The following PIP5KL1 variants were observed in gnomAD, a reference collection of about 807,000 sequenced individuals.
PIP5KL1 encodes phosphatidylinositol-4-phosphate 5-kinase like 1.
PIP5KL1 carries 45 observed loss-of-function variants against 47.6 expected under a neutral mutation model. The observed-to-expected ratio is 0.94, with a 90% CI of 0.74 to 1.21. The LOEUF (loss-of-function observed/expected upper bound fraction) is 1.21. Among genes scored for constraint, PIP5KL1 ranks in the 50% most tolerant of loss-of-function variants. The pLI, the probability that PIP5KL1 is intolerant of heterozygous loss-of-function variation, is 0.00. For synonymous variants in PIP5KL1, 256 were observed against 234.6 expected, an observed-to-expected ratio of 1.09 and a Z score of -0.84; for missense variants, 577 against 547.6, an observed-to-expected ratio of 1.05 and a Z score of -0.54.
chr9:127,926,831 T>G (rs1831368822), intron 7 of PIP5KL1, among the ~76,000 whole-genome samples: 1 of 152,220 alleles, frequency 6.6e-6, no homozygotes, highest in African/African-American at 2.4e-5. Flanking sequence ...AGTCAGAGGC[T>G]GGGTCTGAGT....
Position 127,927,540 on chromosome 9 carries a change from C to G in PIP5KL1, c.559+108G>C. On this transcript the variant is annotated intron_variant, in intron 5 of 9. Coordinates refer to ENST00000388747, the MANE Select transcript of PIP5KL1 (RefSeq NM_001135219.2). The surrounding 1 kb of genome is among the most constrained non-coding windows in gnomAD (Gnocchi z 5.5). ...CCACGTATGGCCCCACCCCCATGCC[C>G]TACAACCCCAAATCCGCCCATTTGG... The G allele has an allele frequency of 1.4e-6, 2 of 1,448,592 alleles. No homozygotes were observed. Among genetic ancestry groups the G allele is most frequent in the Non-Finnish European group, 1.8e-6 (2 of 1,103,186 alleles). 89.7% of individuals were successfully genotyped at this position (1,448,592 alleles called of 1,614,324 possible).
rs542905264 is a variant in PIP5KL1, at chr9:127,925,423, C to A, written c.764-163G>T. On this transcript the variant is annotated intron_variant, in intron 8 of 9. Coordinates refer to ENST00000388747, the MANE Select transcript of PIP5KL1 (RefSeq NM_001135219.2). Reference sequence around the variant, plus strand: ...GTCACTTAGCTAGGAAGTCATGGAGCCTGAATTTGAACTCTGCTCTGCCTG... The same window carrying A: ...GTCACTTAGCTAGGAAGTCATGGAGACTGAATTTGAACTCTGCTCTGCCTG... The A allele has an allele frequency of 3.4e-5, 25 of 733,276 alleles. No individual in the cohort carries two copies. In the Admixed American group the frequency reaches 6.4e-4, roughly 19 times the overall value. The allele number at this position is 733,276 out of a possible 1,614,324, so 45.4% of individuals were successfully genotyped here. A position where few individuals can be genotyped will look rare whatever the true frequency, so the allele number is the denominator to read the frequency against.
chr9:127,925,040 C>T (rs775790513), intron 9 of PIP5KL1, 67 bp downstream of exon 9: 62 of 1,577,034 alleles, frequency 3.9e-5, no homozygotes, highest in Non-Finnish European at 5.3e-5. Context: ...CACTCCCATG[C>T]CCCCATGTCT....
rs765186434 is a variant in PIP5KL1, at chr9:127,925,174, T to G, written c.850A>C (p.Ile284Leu). Residue 284 changes from isoleucine to leucine, a missense_variant, in exon 9 of 10, where the codon ATA (isoleucine) becomes CTA (leucine). Ile to Leu is a conservative substitution (Grantham distance 5). Coordinates refer to ENST00000388747, the MANE Select transcript of PIP5KL1 (RefSeq NM_001135219.2). ...ELNVLDYSLL[I>L]AFQRLHEDER... ...TCCTCGTGGAGACGTTGGAAGGCTA[T>G]CAGGAGGCTGTAATCCAGCACGTTG... 4.3e-6 allele frequency: 7 copies of G among 1,614,144 alleles called. No individual in the cohort carries two copies. In the Admixed American group the frequency reaches 1.0e-4, roughly 23 times the overall value.
Position 127,921,876 on chromosome 9 carries a change from A to G in PIP5KL1, c.1156T>C (p.Cys386Arg), listed in dbSNP as rs142240197. ...VSPARYARRL[C>R]QWVEAHTE is the part of the protein sequence containing the mutation. Reference sequence around the variant, plus strand: ...TCCGTGTGCGCCTCCACCCACTGGCAGAGGCGACGGGCGTAGCGAGCCGGG... The same window carrying G: ...TCCGTGTGCGCCTCCACCCACTGGCGGAGGCGACGGGCGTAGCGAGCCGGG... Residue 386 changes from cysteine (C) to arginine (R), a missense_variant, in exon 10 of 10, where the codon TGC (cysteine) becomes CGC (arginine). Cys to Arg is a radical substitution (Grantham distance 180, BLOSUM62 -3). Coordinates refer to ENST00000388747, the MANE Select transcript of PIP5KL1 (RefSeq NM_001135219.2). 7.0e-6 allele frequency: 11 copies of G among 1,574,944 alleles called. No individual in the cohort carries two copies. Among genetic ancestry groups the G allele is most frequent in the Non-Finnish European group, 9.4e-6 (11 of 1,164,880 alleles).
In PIP5KL1 at chr9:127,928,510, G is replaced by A. The variant is rs1260523371; in HGVS notation, c.229-27C>T. 3 of 1,564,384 alleles carry A rather than the reference G, an allele frequency of 1.9e-6. No homozygotes were observed. In the Admixed American group the frequency reaches 5.6e-5, roughly 29 times the overall value. ...TGCAGGGAGAGGTAGAGGAGCTCAG[G>A]GCAACCCTCAGTCCCCTGCTGCCTG... On this transcript the variant is annotated intron_variant, in intron 2 of 9. Coordinates refer to ENST00000388747, the MANE Select transcript of PIP5KL1 (RefSeq NM_001135219.2).
chr9:127,922,875 A>G (rs112493076), intron 9 of PIP5KL1, among the ~76,000 whole-genome samples: 1 of 152,196 alleles, frequency 6.6e-6, no homozygotes, highest in Admixed American at 6.6e-5. Flanking sequence ...TGAGGCTACT[A>G]GAAAATTTTA....
Position 127,927,329 on chromosome 9 carries a change from C to T in PIP5KL1, c.562G>A (p.Val188Met). The T allele has an allele frequency of 6.2e-7, 1 of 1,609,020 alleles. No homozygotes were observed. Among genetic ancestry groups the T allele is most frequent in the Non-Finnish European group, 8.5e-7 (1 of 1,178,842 alleles). The change falls in exon 6 of 10, where the codon GTG becomes ATG. Residue 188 changes from valine to methionine, a missense_variant and splice_region_variant. Physicochemically the swap from Val to Met is conservative, Grantham distance 21. Coordinates refer to ENST00000388747, the MANE Select transcript of PIP5KL1 (RefSeq NM_001135219.2). This position sits in a 1 kb window ranked among gnomAD's most constrained non-coding sequence, Gnocchi z 5.5. ...CCCCGGTCCACCCGCAGACTGTGCA[C>T]TCCTGGAAGGGGAGAGGGCGCCGGA... is the stretch of plus-strand genomic sequence containing the variant. ...PHSLLARLLG[V>M]HSLRVDRGKK... is the part of the protein sequence containing the mutation.
chr9:127,922,682 G>T (rs4837207), intron 9 of PIP5KL1, among the ~76,000 whole-genome samples: 104,938 of 134,322 alleles, frequency 0.78, 41,622 homozygotes, highest in Non-Finnish European at 0.87. Context: ...GCAACAGAGC[G>T]AGACTCTGTC....
In PIP5KL1 at chr9:127,922,101, C is replaced by T. The variant is rs375350789; in HGVS notation, c.931G>A (p.Ala311Thr). Residue 311 changes from alanine to threonine, a missense_variant, in exon 10 of 10, where the codon GCA becomes ACA. By Grantham distance (58) the Ala-to-Thr change is moderately conservative. Transcript: ENST00000388747. Reference sequence around the variant, plus strand: ...GCTCTCGACTCTTCCGGGCTCTGTGCCCCTTGCACAGACCTGGGGGCCGAC... The same window carrying T: ...GCTCTCGACTCTTCCGGGCTCTGTGTCCCTTGCACAGACCTGGGGGCCGAC... ...IFRTARSVQG[A>T]QSPEESRAQN... The T allele has an allele frequency of 8.5e-6, 13 of 1,529,658 alleles. No individual in the cohort carries two copies. In the East Asian group the frequency reaches 9.7e-5, roughly 11 times the overall value. The allele number at this position is 1,529,658 out of a possible 1,614,324, so 94.8% of individuals were successfully genotyped here.
At position 127,921,917 on chromosome 9, in the gene PIP5KL1, G is replaced by T; in HGVS notation, c.1115C>A (p.Thr372Asn). The T allele has an allele frequency of 6.3e-7, 1 of 1,578,040 alleles. No individual in the cohort carries two copies. The highest frequency in any genetic ancestry group is 8.6e-7 in the Non-Finnish European group (1 of 1,164,272). ...GCGAGCCGGGCTGACAGTGGAGAAG[G>T]TCCGGCCTGGGTAGCGCAGTGTCTT... ...LWKTLRYPGR[T>N]FSTVSPARYA... Residue 372 changes from threonine to asparagine, a missense_variant, in exon 10 of 10, where the codon ACC becomes AAC. Coordinates refer to ENST00000388747, the MANE Select transcript of PIP5KL1 (RefSeq NM_001135219.2).
chr9:127,927,345 G>C lies in PIP5KL1; in HGVS notation c.560-14C>G. 6.2e-7 allele frequency: 1 copy of C among 1,604,218 alleles called. No homozygotes were observed. Among genetic ancestry groups the C allele is most frequent in the Non-Finnish European group, 8.5e-7 (1 of 1,177,250 alleles). The stretch of plus-strand genomic sequence containing the variant: ...GACTGTGCACTCCTGGAAGGGGAGA[G>C]GGCGCCGGATGAGGATCCCCAAACT... On this transcript the variant is annotated splice_polypyrimidine_tract_variant and intron_variant, in intron 5 of 9. Transcript: ENST00000388747. The surrounding 1 kb of genome is among the most constrained non-coding windows in gnomAD (Gnocchi z 5.5).
Position 127,928,294 on chromosome 9 carries a change from G to A in PIP5KL1, c.280-75C>T. 3 of 1,537,500 alleles carry A rather than the reference G, an allele frequency of 2.0e-6. No homozygotes were observed. The Middle Eastern group carries it at 5.0e-4, about 258-fold the overall frequency. ...TGTGCAGTTGGTCCTGGGACAGGAG[G>A]GTCAGGGTGACCACACCCTTCCTGC... On this transcript the variant is annotated intron_variant, in intron 3 of 9. Transcript: ENST00000388747.
intron 2 of PIP5KL1, 103 bp from the exon 3 acceptor site, chr9:127,928,586 A>G (rs537708813): frequency 1.2e-5 from 15 of 1,225,322 alleles, no homozygotes; most frequent in East Asian, 5.1e-5. Context: ...ACCTCCTCCA[A>G]TTGGATTCCT....
In PIP5KL1 at chr9:127,927,442, T is replaced by C. The variant is rs1375504110; in HGVS notation, c.560-111A>G. 4 of 1,502,196 alleles carry C rather than the reference T, an allele frequency of 2.7e-6. No individual in the cohort carries two copies. Among genetic ancestry groups the C allele is most frequent in the Admixed American group, 4.1e-5 (2 of 48,244 alleles). The allele number at this position is 1,502,196 out of a possible 1,614,324, so 93.1% of individuals were successfully genotyped here. A position where few individuals can be genotyped will look rare whatever the true frequency, so the allele number is the denominator to read the frequency against. On this transcript the variant is annotated intron_variant, in intron 5 of 9. Transcript: ENST00000388747. The surrounding 1 kb of genome is among the most constrained non-coding windows in gnomAD (Gnocchi z 5.5). ...CCTCCTTCTCAAGATCCGCGGCACCTGGACCCTTCCTTGGCTGGTCCGGAT... is the reference window on the plus strand; with the variant it reads ...CCTCCTTCTCAAGATCCGCGGCACCCGGACCCTTCCTTGGCTGGTCCGGAT...
In PIP5KL1 at chr9:127,921,961, C is replaced by T. The variant is rs780773404; in HGVS notation, c.1071G>A (p.Lys357=). 2 of 1,577,094 alleles carry T rather than the reference C, an allele frequency of 1.3e-6. No homozygotes were observed. Among genetic ancestry groups the T allele is most frequent in the Non-Finnish European group, 1.7e-6 (2 of 1,162,596 alleles). ...GTGTCTTCCACAGGTGCTCCAGCCGCTTGCGGAGCCCGTAGACTGTGGCGA... is the reference window on the plus strand; with the variant it reads ...GTGTCTTCCACAGGTGCTCCAGCCGTTTGCGGAGCCCGTAGACTGTGGCGA... ...VDLATVYGLR[K]RLEHLWKTLR... is the part of the protein sequence containing the mutation. Residue 357 remains lysine (K), a synonymous_variant, in exon 10 of 10, where the codon AAG becomes AAA. Coordinates refer to ENST00000388747, the MANE Select transcript of PIP5KL1 (RefSeq NM_001135219.2).
rs1459568065 is a variant in PIP5KL1, at chr9:127,921,362, T to A, written c.*485A>T. On this transcript the variant is annotated 3_prime_UTR_variant, in exon 10 of 10. Transcript: ENST00000388747. The stretch of plus-strand genomic sequence containing the variant: ...GAGGCCTGGGTACTCAGGGCCGACC[T>A]TGCCACTTACCCGTGCTTACGCCCC... 1 of 155,960 alleles carries A rather than the reference T, an allele frequency of 6.4e-6. No individual in the cohort carries two copies. Among genetic ancestry groups the A allele is most frequent in the Non-Finnish European group, 1.4e-5 (1 of 70,372 alleles). 9.7% of individuals were successfully genotyped at this position (155,960 alleles called of 1,614,324 possible).
Position 127,927,422 on chromosome 9 carries a change from T to C in PIP5KL1, c.560-91A>G, listed in dbSNP as rs1831379170. ...AATCCCAGCGCCAGGCCACGCCTCC[T>C]TCTCAAGATCCGCGGCACCTGGACC... On this transcript the variant is annotated intron_variant, in intron 5 of 9. Transcript: ENST00000388747. This position sits in a 1 kb window ranked among gnomAD's most constrained non-coding sequence, Gnocchi z 5.5. The C allele has an allele frequency of 4.6e-6, 7 of 1,517,952 alleles. No homozygotes were observed. The highest frequency in any genetic ancestry group is 6.2e-6 in the Non-Finnish European group (7 of 1,134,988). The allele number at this position is 1,517,952 out of a possible 1,614,324, so 94.0% of individuals were successfully genotyped here. A position where few individuals can be genotyped will look rare whatever the true frequency, so the allele number is the denominator to read the frequency against.
At chr9:127,928,031 T>TC in intron 4 of PIP5KL1, 34 bp downstream of exon 4, 2 of 1,496,452 alleles carry the variant, frequency 1.3e-6, no homozygotes, top group Non-Finnish European at 1.8e-6. Flanking sequence ...GGGGTACCAC[T>TC]CCCACCCCTG....
Sources: gnomAD v4.1 joint callset for allele counts (sites outside exome capture counted in the v4.1 genomes callset) on GRCh38, gnomAD v4.1.1 for gene constraint, Gnocchi (gnomAD v3.1) non-coding constraint, MANE v1.5 for transcripts, NCBI Gene and HGNC (gene_info 2026-07-23, HGNC 2026-07-21) for gene names.